Variants in PIK3CA observed in about 807,000 individuals in gnomAD.
PIK3CA encodes the protein phosphatidylinositol-4,5-bisphosphate 3-kinase catalytic subunit alpha, also known as phosphatidylinositol 4,5-bisphosphate 3-kinase catalytic subunit alpha isoform.
A neutral mutation model predicts 138.2 loss-of-function variants in PIK3CA; 27 were observed. That is an observed-to-expected ratio of 0.20 (90% CI 0.14 to 0.27). The LOEUF (loss-of-function observed/expected upper bound fraction) is 0.27, where lower values mean the gene tolerates loss of function less well. Among genes scored for constraint, PIK3CA ranks in the 10% least tolerant of loss-of-function variants. The probability of loss-of-function intolerance (pLI) is 1.00; values close to 1 mark genes in which losing one functional copy is unlikely to be tolerated. For synonymous variants in PIK3CA, 358 were observed against 413.2 expected (o/e 0.87, Z 1.62); for missense variants, 544 against 1,277.4 (o/e 0.43, Z 8.75).
intron 17 of PIK3CA, 64 bp from the exon 18 acceptor site, chr3:179,229,208 T>C (rs2108422227): frequency 1.6e-6 from 2 of 1,283,706 alleles, no homozygotes; most frequent in East Asian, 2.4e-5. Context: ...TGTTTTAGCC[T>C]GTTAAAACAT....
intron 1 of PIK3CA, among the ~76,000 whole-genome samples, chr3:179,167,184 C>G (rs1273854980): frequency 6.6e-6 from 1 of 152,060 alleles, no homozygotes; most frequent in Non-Finnish European, 1.5e-5. Flanking sequence ...GAAATATACA[C>G]ATACCTTAGT....
intron 7 of PIK3CA, 47 bp downstream of exon 7, chr3:179,209,747 TG>T: frequency 9.7e-7 from 1 of 1,033,848 alleles, no homozygotes; most frequent in Non-Finnish European, 1.5e-6. Context: ...TAAAAACTCC[TG>T]ATTATACCGC....
chr3:179,228,476 T>C (rs1000902395), intron 17 of PIK3CA, among the ~76,000 whole-genome samples: 17 of 152,122 alleles, frequency 1.1e-4, no homozygotes, highest in Non-Finnish European at 1.8e-4. Context: ...TGTCAGGTTT[T>C]AGAATAGTAC....
chr3:179,192,840 G>A (rs905834397), intron 1 of PIK3CA, among the ~76,000 whole-genome samples: 14 of 152,234 alleles, frequency 9.2e-5, no homozygotes, highest in Admixed American at 8.5e-4. Flanking sequence ...TAGAAATAGA[G>A]TTCTAATGTA....
intron 1 of PIK3CA, among the ~76,000 whole-genome samples, chr3:179,153,418 T>TA (rs1484810411): frequency 2.0e-5 from 3 of 152,344 alleles, no homozygotes; most frequent in African/African-American, 2.4e-5. Context: ...AGTGCCAACA[T>TA]ACGGCCATAA....
At chr3:179,177,128 T>C (rs1723716319) in intron 1 of PIK3CA, among the ~76,000 whole-genome samples, 1 of 152,168 alleles carries the variant, frequency 6.6e-6, no homozygotes, top group Non-Finnish European at 1.5e-5. Flanking sequence ...GCCTGAACTA[T>C]TTGTAAATTA....
In PIK3CA at chr3:179,239,360, C is replaced by G. The variant is rs1725394829; in HGVS notation, c.*4996C>G. ...GGTTGGCAAGGAGGCAGAAAACCTT[C>G]ATTGTTTCATATTAAAATATAATTA... On this transcript the variant is annotated 3_prime_UTR_variant, in exon 21 of 21. Coordinates refer to ENST00000263967, the MANE Select transcript of PIK3CA (RefSeq NM_006218.4). The G allele has an allele frequency of 5.0e-6, 1 of 198,992 alleles. No homozygotes were observed. The highest frequency in any genetic ancestry group is 1.0e-5 in the Non-Finnish European group (1 of 96,266). The allele number at this position is 198,992 out of a possible 1,614,324, so 12.3% of individuals were successfully genotyped here.
At chr3:179,221,257 G>C (rs1314377342) in intron 14 of PIK3CA, 100 bp downstream of exon 14, 2 of 765,162 alleles carry the variant, frequency 2.6e-6, no homozygotes, top group Admixed American at 4.9e-5. Context: ...TTGGAATCAA[G>C]CAGATTAGGA....
chr3:179,163,693 C>T (rs1454113151), intron 1 of PIK3CA, among the ~76,000 whole-genome samples: 3 of 152,062 alleles, frequency 2.0e-5, no homozygotes, highest in East Asian at 1.9e-4. Flanking sequence ...AGAAGTTGGG[C>T]TCATTTACTA....
chr3:179,210,109 T>G, intron 7 of PIK3CA, 77 bp from the exon 8 acceptor site: 1 of 1,166,302 alleles, frequency 8.6e-7, no homozygotes, highest in South Asian at 1.5e-5. Context: ...TTGTTGAATT[T>G]TCCTTTTGGG....
At chr3:179,196,410 C>A (rs1428157151) in intron 1 of PIK3CA, among the ~76,000 whole-genome samples, 3 of 152,118 alleles carry the variant, frequency 2.0e-5, no homozygotes, top group Non-Finnish European at 4.4e-5. Context: ...AAATTTAAGT[C>A]ACTTCTATAA....
intron 1 of PIK3CA, among the ~76,000 whole-genome samples, chr3:179,153,449 C>T (rs1723061069): frequency 6.6e-6 from 1 of 152,136 alleles, no homozygotes; most frequent in Non-Finnish European, 1.5e-5. Flanking sequence ...CTACACCTGG[C>T]ATGTTTGCTT....
At chr3:179,185,738 C>T (rs186715353) in intron 1 of PIK3CA, among the ~76,000 whole-genome samples, 36 of 152,222 alleles carry the variant, frequency 2.4e-4, no homozygotes, top group Middle Eastern at 6.8e-3. Flanking sequence ...ATACATTTCT[C>T]GGTTTATTAT....
chr3:179,165,621 T>C (rs767837320), intron 1 of PIK3CA, among the ~76,000 whole-genome samples: 1 of 152,172 alleles, frequency 6.6e-6, no homozygotes, highest in Non-Finnish European at 1.5e-5. Flanking sequence ...CAGGACAAGA[T>C]GTTGAAGAAC....
chr3:179,210,087 TTA>T (rs2108399840), intron 7 of PIK3CA, 97 bp from the exon 8 acceptor site: 1 of 894,150 alleles, frequency 1.1e-6, no homozygotes, highest in East Asian at 2.9e-5. Context: ...ATTCCCATTA[TTA>T]TAGAGATGAT....
intron 1 of PIK3CA, among the ~76,000 whole-genome samples, chr3:179,185,246 G>A (rs961934086): frequency 1.3e-5 from 2 of 152,172 alleles, no homozygotes; most frequent in Admixed American, 1.3e-4. Flanking sequence ...AATCCCTGAT[G>A]ACTTACAGAA....
At chr3:179,189,797 T>G (rs1724081460) in intron 1 of PIK3CA, among the ~76,000 whole-genome samples, 1 of 152,252 alleles carries the variant, frequency 6.6e-6, no homozygotes, top group Non-Finnish European at 1.5e-5. Context: ...GATGAGGACT[T>G]GATTTTCCAC....
chr3:179,215,033 T>C (rs897275841), intron 9 of PIK3CA, among the ~76,000 whole-genome samples: 6 of 152,298 alleles, frequency 3.9e-5, no homozygotes, highest in Admixed American at 3.9e-4. Flanking sequence ...TCTTTGGCTT[T>C]GTTGGCTATA....
Position 179,169,406 on chromosome 3 carries a change from G to C in PIK3CA, c.-77+20803G>C, listed in dbSNP as rs1723495288. On this transcript the variant is annotated intron_variant, in intron 1 of 20. Coordinates refer to ENST00000263967, the MANE Select transcript of PIK3CA (RefSeq NM_006218.4). ...AGGAAGAATTGACATTTTGGGAATT[G>C]GTTGTCTTCCTATCCGAGAATGTGG... Among the ~76,000 whole-genome samples, 3 of 152,066 alleles carry C rather than the reference G, an allele frequency of 2.0e-5. No homozygotes were observed. In the South Asian group the frequency reaches 6.2e-4, roughly 31 times the overall value.
Sources: allele counts gnomAD v4.1 joint callset (sites outside exome capture counted in the v4.1 genomes callset), GRCh38; gene constraint gnomAD v4.1.1; transcripts MANE v1.5; gene names NCBI Gene and HGNC (gene_info 2026-07-23, HGNC 2026-07-21).